PCLO: variants seen among roughly 807,000 people sequenced by gnomAD.
The protein encoded by PCLO is piccolo presynaptic cytomatrix protein, also known as protein piccolo.
Under a neutral mutation model 427.5 loss-of-function variants are expected in PCLO, and 82 were observed. That is an observed-to-expected ratio of 0.19 (90% CI 0.16 to 0.23). The LOEUF is 0.23. Ranked by LOEUF, PCLO falls within the 10% of genes least tolerant of loss-of-function variation. The pLI is 1.00. For missense variants in PCLO, 6,239 were observed against 6,115.9 expected (o/e 1.02, Z -0.67); for synonymous variants, 2,357 against 2,155.4 (o/e 1.09, Z -2.59).
rs1248488620 is a variant in PCLO, at chr7:82,950,638, T to C, written c.9950A>G (p.Gln3317Arg). 24 of 1,613,750 alleles carry C rather than the reference T, an allele frequency of 1.5e-5. No homozygotes were observed. The East Asian group carries it at 5.1e-4, about 34-fold the overall frequency. The change falls in exon 6 of 25, where the codon CAG becomes CGG. Residue 3317 changes from glutamine (Q) to arginine (R), a missense_variant. This residue lies in a region of PCLO where 4,677 missense variants were observed against 4,468.4 expected (regional missense o/e 1.05). Transcript: ENST00000333891. ...AGTTCCAGAAGGGTCATAGTTATAC[T>C]GGTAGATCTGCCGAATCTTTTGCTC... ...LEEQKIRQIY[Q>R]YNYDPSGTAS...
intron 16 of PCLO, among the ~76,000 whole-genome samples, chr7:82,834,148 TTC>T (rs1313218590): frequency 2.0e-5 from 3 of 152,174 alleles, no homozygotes; most frequent in African/African-American, 4.8e-5. Context: ...TTATAAAATA[TTC>T]TCTCTTTTAT....
intron 22 of PCLO, among the ~76,000 whole-genome samples, chr7:82,771,124 T>A (rs374461924): frequency 3.0e-4 from 46 of 152,062 alleles, no homozygotes; most frequent in Non-Finnish European, 5.7e-4. Flanking sequence ...AAAAATACCA[T>A]GATTGTAAGA....
intron 1 of PCLO, among the ~76,000 whole-genome samples, chr7:83,158,569 T>A (rs1792356365): frequency 6.6e-6 from 1 of 151,710 alleles, no homozygotes; most frequent in African/African-American, 2.4e-5. Context: ...CTCTTGAAAA[T>A]ACTACTAAAC....
chr7:83,136,854 T>C (rs1791744013), intron 2 of PCLO, among the ~76,000 whole-genome samples: 1 of 152,188 alleles, frequency 6.6e-6, no homozygotes, highest in South Asian at 2.1e-4. Flanking sequence ...GATGTTGTGT[T>C]TGATACCATA....
At chr7:83,096,919 AT>A in intron 3 of PCLO, among the ~76,000 whole-genome samples, 1 of 62,470 alleles carries the variant, frequency 1.6e-5, no homozygotes, top group Non-Finnish European at 2.7e-5. Context: ...ATCTAAATAT[AT>A]ATAATATAAT....
At chr7:82,808,321 A>G (rs1427703885) in intron 20 of PCLO, among the ~76,000 whole-genome samples, 1 of 151,882 alleles carries the variant, frequency 6.6e-6, no homozygotes, top group East Asian at 1.9e-4. Context: ...AAAAATAGCT[A>G]CATTATAAAA....
At chr7:82,888,337 T>A (rs1584104438) in intron 9 of PCLO, among the ~76,000 whole-genome samples, 1 of 152,146 alleles carries the variant, frequency 6.6e-6, no homozygotes, top group Non-Finnish European at 1.5e-5. Flanking sequence ...TTGGCTGACG[T>A]GAAAAAAATT....
chr7:82,886,143 T>C (rs1466516854), intron 9 of PCLO, among the ~76,000 whole-genome samples: 1 of 152,228 alleles, frequency 6.6e-6, no homozygotes. Context: ...AAAATGCTTT[T>C]GGCTTAGGCA....
intron 3 of PCLO, among the ~76,000 whole-genome samples, chr7:83,069,876 G>A (rs572562909): frequency 7.1e-6 from 1 of 141,418 alleles, no homozygotes; most frequent in Non-Finnish European, 1.5e-5. Flanking sequence ...ACCCATGAGG[G>A]AGGAGGGAAA....
At position 83,134,262 on chromosome 7, in the gene PCLO, T is replaced by C. The variant is rs1791653911; in HGVS notation, c.3288A>G (p.Pro1096=). ...VCNLCGFNPT[P]HLTEIQEWLC... is the part of the protein sequence containing the mutation. ...ATATATAACTTACCTCAGTCAAATGTGGTGTAGGGTTAAATCCACAGAGAT... is the reference window on the plus strand; with the variant it reads ...ATATATAACTTACCTCAGTCAAATGCGGTGTAGGGTTAAATCCACAGAGAT... Residue 1096 remains proline, a synonymous_variant, in exon 3 of 25, where the codon CCA becomes CCG. Coordinates refer to ENST00000333891, the MANE Select transcript of PCLO (RefSeq NM_033026.6). 1 of 1,418,478 alleles carries C rather than the reference T, an allele frequency of 7.0e-7. No homozygotes were observed. The allele number at this position is 1,418,478 out of a possible 1,614,324, so 87.9% of individuals were successfully genotyped here.
intron 6 of PCLO, among the ~76,000 whole-genome samples, chr7:82,947,617 T>C (rs1310649180): frequency 6.6e-6 from 1 of 152,140 alleles, no homozygotes; most frequent in Middle Eastern, 3.2e-3. Context: ...TACCTTTGAA[T>C]CTGTATACAA....
At chr7:83,092,296 C>G (rs1790397363) in intron 3 of PCLO, among the ~76,000 whole-genome samples, 1 of 152,122 alleles carries the variant, frequency 6.6e-6, no homozygotes, top group Non-Finnish European at 1.5e-5. Context: ...CTCTACAAAA[C>G]TTGAATCCAC....
At chr7:83,104,380 A>C (rs1399797058) in intron 3 of PCLO, among the ~76,000 whole-genome samples, 2 of 152,014 alleles carry the variant, frequency 1.3e-5, no homozygotes, top group Non-Finnish European at 2.9e-5. Flanking sequence ...TTAATAATAT[A>C]CGCAGAGAGT....
At chr7:83,095,194 G>T (rs1278317156) in intron 3 of PCLO, among the ~76,000 whole-genome samples, 1 of 151,872 alleles carries the variant, frequency 6.6e-6, no homozygotes, top group Non-Finnish European at 1.5e-5. Context: ...ACGGGAGTTT[G>T]TGTTTTTTGA....
intron 3 of PCLO, among the ~76,000 whole-genome samples, chr7:83,021,844 A>G (rs1211336501): frequency 6.6e-6 from 1 of 152,224 alleles, no homozygotes; most frequent in Non-Finnish European, 1.5e-5. Context: ...AGGCAAGAAA[A>G]TAGAATTTTA....
intron 8 of PCLO, among the ~76,000 whole-genome samples, chr7:82,908,386 A>T (rs761289718): frequency 3.8e-4 from 58 of 152,104 alleles, no homozygotes; most frequent in Non-Finnish European, 7.5e-4. Flanking sequence ...AAAAATACAT[A>T]ACAAAACAAC....
intron 22 of PCLO, among the ~76,000 whole-genome samples, chr7:82,767,509 T>C (rs1194196893): frequency 6.6e-6 from 1 of 151,952 alleles, no homozygotes; most frequent in Non-Finnish European, 1.5e-5. Context: ...GGAAACATCA[T>C]GGTACAAAAT....
chr7:82,926,577 T>C (rs1028942993), intron 6 of PCLO, among the ~76,000 whole-genome samples: 1 of 152,122 alleles, frequency 6.6e-6, no homozygotes, highest in Non-Finnish European at 1.5e-5. Context: ...CAGCACTCAG[T>C]GTTTTATCAG....
At chr7:82,974,609 T>C (rs1795975634) in intron 3 of PCLO, among the ~76,000 whole-genome samples, 1 of 152,200 alleles carries the variant, frequency 6.6e-6, no homozygotes. Flanking sequence ...TTTTCTAGTG[T>C]ACTAGGTTTT....
Sources: allele counts gnomAD v4.1 joint callset (sites outside exome capture counted in the v4.1 genomes callset), GRCh38; gene constraint gnomAD v4.1.1; regional missense constraint gnomAD v4.1.1; transcripts MANE v1.5; gene names NCBI Gene and HGNC (gene_info 2026-07-23, HGNC 2026-07-21).